TRIM36: variants seen among roughly 807,000 people sequenced by gnomAD.
TRIM36 encodes E3 ubiquitin-protein ligase TRIM36.
Under a neutral mutation model 72.4 loss-of-function variants are expected in TRIM36, and 42 were observed. The ratio of observed to expected loss-of-function variants is 0.58; its 90% confidence interval spans 0.45 to 0.75. TRIM36 has a LOEUF of 0.75. Among genes scored for constraint, TRIM36 ranks in the 30% least tolerant of loss-of-function variants. The probability of loss-of-function intolerance (pLI) is 0.00; values close to 1 mark genes in which losing one functional copy is unlikely to be tolerated. For synonymous variants in TRIM36, 315 were observed against 282.8 expected, an observed-to-expected ratio of 1.11 and a Z score of -1.14; for missense variants, 913 against 857.1, an observed-to-expected ratio of 1.07 and a Z score of -0.81.
chr5:115,177,559 T>C, intron 1 of TRIM36: 1 of 1,409,710 alleles, frequency 7.1e-7, no homozygotes, highest in Non-Finnish European at 9.2e-7. Flanking sequence ...TGGTTAATAT[T>C]CAGTGTTCAA....
At chr5:115,156,169 T>C (rs190917445) in intron 2 of TRIM36, among the ~76,000 whole-genome samples, 44 of 151,688 alleles carry the variant, frequency 2.9e-4, no homozygotes, top group African/African-American at 1.0e-3. Flanking sequence ...ATAGAAGACA[T>C]GAAAAAATGG....
intron 2 of TRIM36, among the ~76,000 whole-genome samples, chr5:115,150,646 G>A (rs1753839439): frequency 6.6e-6 from 1 of 152,196 alleles, no homozygotes; most frequent in South Asian, 2.1e-4. Flanking sequence ...AAGCTGAGAG[G>A]ACCCACAGGC....
At chr5:115,160,420 G>C (rs1405037579) in intron 2 of TRIM36, among the ~76,000 whole-genome samples, 3 of 152,008 alleles carry the variant, frequency 2.0e-5, no homozygotes, top group African/African-American at 7.3e-5. Context: ...TTTTTATTCT[G>C]TGTATTTTAA....
intron 2 of TRIM36, among the ~76,000 whole-genome samples, chr5:115,162,438 C>G (rs1464971357): frequency 6.6e-6 from 1 of 152,200 alleles, no homozygotes; most frequent in Non-Finnish European, 1.5e-5. Flanking sequence ...TATTAAGCAT[C>G]TACAGAGTAC....
intron 2 of TRIM36, 81 bp from the exon 3 acceptor site, chr5:115,147,475 G>T (rs1753655422): frequency 7.0e-7 from 1 of 1,424,868 alleles, no homozygotes; most frequent in Non-Finnish European, 9.6e-7. Flanking sequence ...ATGTCTTAGA[G>T]ACATATCTAC....
At chr5:115,158,332 A>G (rs1754294266) in intron 2 of TRIM36, among the ~76,000 whole-genome samples, 1 of 152,228 alleles carries the variant, frequency 6.6e-6, no homozygotes, top group Admixed American at 6.5e-5. Context: ...TTTTAAAATA[A>G]AGACTCTAAA....
chr5:115,139,549 A>G lies in TRIM36; in HGVS notation c.831+1730T>C, dbSNP rs369537636. ...CCTGTTTCCTAACCCCGACAGCCAC[A>G]TATTTTTAAAAGAGAAGGAGCAGAA... On this transcript the variant is annotated intron_variant, in intron 5 of 9. Coordinates refer to ENST00000513154, the MANE Select transcript of TRIM36 (RefSeq NM_001300759.2). Among the ~76,000 whole-genome samples the G allele has an allele frequency of 3.3e-5, 5 of 152,366 alleles. No homozygotes were observed. In the South Asian group the frequency reaches 1.0e-3, roughly 32 times the overall value.
chr5:115,167,428 T>A (rs1754844206), intron 1 of TRIM36, among the ~76,000 whole-genome samples: 1 of 152,238 alleles, frequency 6.6e-6, no homozygotes, highest in African/African-American at 2.4e-5. Context: ...GGTTTTTCCT[T>A]TCTACTCCAT....
rs751144486 is a variant in TRIM36 at position 115,163,647 on chromosome 5, C to T, written c.133G>A (p.Val45Ile). 6.2e-7 allele frequency: 1 copy of T among 1,613,998 alleles called. No individual in the cohort carries two copies. Among genetic ancestry groups the T allele is most frequent in the Admixed American group, 1.7e-5 (1 of 59,996 alleles). ...PCQHSICHKC[V>I]KELLLTLDDS... ...TCGAGAGTCAGCAGGAGTTCTTTTA[C>T]ACATTTATGACAGATACTATGTTGG... is the stretch of plus-strand genomic sequence containing the variant. The change falls in exon 2 of 10, where the codon GTA (valine) becomes ATA (isoleucine). Residue 45 changes from valine (V) to isoleucine (I), a missense_variant. Physicochemically the swap from Val to Ile is conservative, Grantham distance 29. Transcript: ENST00000513154.
Position 115,137,496 on chromosome 5 carries a change from C to G in TRIM36, c.952G>C (p.Asp318His). ...AIDSSKKLRL[D>H]KFQTQMEEYQ... is the part of the protein sequence containing the mutation. ...TCTTCCATTTGAGTCTGAAATTTGT[C>G]TAATCTTAGTTTCTTAGAGGAGTCA... Residue 318 changes from aspartate to histidine, a missense_variant, in exon 6 of 10, where the codon GAC becomes CAC. By Grantham distance (81) the Asp-to-His change is moderately conservative. Coordinates refer to ENST00000513154, the MANE Select transcript of TRIM36 (RefSeq NM_001300759.2). 1 of 1,614,140 alleles carries G rather than the reference C, an allele frequency of 6.2e-7. No individual in the cohort carries two copies.
chr5:115,166,683 G>A (rs1056697449), intron 1 of TRIM36, among the ~76,000 whole-genome samples: 1 of 152,226 alleles, frequency 6.6e-6, no homozygotes, highest in African/African-American at 2.4e-5. Flanking sequence ...CATGTTGTGG[G>A]TGACGATGAG....
At position 115,130,783 on chromosome 5, in the gene TRIM36, A is replaced by G. The variant is rs1401573495; in HGVS notation, c.1605T>C (p.Leu535=). 1.2e-6 allele frequency: 2 copies of G among 1,614,138 alleles called. No homozygotes were observed. Among genetic ancestry groups the G allele is most frequent in the East Asian group, 4.5e-5 (2 of 44,880 alleles). Residue 535 remains leucine, a synonymous_variant, in exon 9 of 10, where the codon CTT becomes CTC. Coordinates refer to ENST00000513154, the MANE Select transcript of TRIM36 (RefSeq NM_001300759.2). The part of the protein sequence containing the change: ...VESRAGFNLL[L]AAERIQVGYY... Reference sequence around the variant, plus strand: ...AACCCACTTGGATGCGTTCTGCAGCAAGCAGAAGATTAAATCCAGCTCTAC... The same window carrying G: ...AACCCACTTGGATGCGTTCTGCAGCGAGCAGAAGATTAAATCCAGCTCTAC...
intron 2 of TRIM36, among the ~76,000 whole-genome samples, chr5:115,159,962 A>C (rs1300713190): frequency 1.3e-5 from 2 of 152,122 alleles, no homozygotes; most frequent in African/African-American, 4.8e-5. Flanking sequence ...TGTTGCAAAT[A>C]CAAAGTGAAA....
In TRIM36 at chr5:115,169,878, GC is replaced by G. The variant is rs1362332690; in HGVS notation, c.-245del. On this transcript the variant is annotated 5_prime_UTR_variant, in exon 1 of 10. Coordinates refer to ENST00000513154, the MANE Select transcript of TRIM36 (RefSeq NM_001300759.2). ...ACTACCCCGGGAATCCCGCCCAGCT[GC>G]CGGCTGCAGCAGCGGCTCCTGCGGA... is the stretch of plus-strand genomic sequence containing the variant. 3 of 1,303,224 alleles carry G rather than the reference GC, an allele frequency of 2.3e-6. No homozygotes were observed. The African/African-American group carries it at 4.6e-5, about 20-fold the overall frequency. 80.7% of individuals were successfully genotyped at this position (1,303,224 alleles called of 1,614,324 possible).
chr5:115,176,626 A>G (rs1441514481), intron 1 of TRIM36, among the ~76,000 whole-genome samples: 1 of 152,226 alleles, frequency 6.6e-6, no homozygotes, highest in Non-Finnish European at 1.5e-5. Flanking sequence ...AAAGAGATAT[A>G]CTAAAATTTG....
intron 2 of TRIM36, among the ~76,000 whole-genome samples, chr5:115,153,437 C>T (rs1409024091): frequency 6.6e-6 from 1 of 152,144 alleles, no homozygotes; most frequent in South Asian, 2.1e-4. Context: ...CACAGTAATA[C>T]TGGGAGGTAT....
At chr5:115,149,570 A>T (rs1045911084) in intron 2 of TRIM36, 1 of 52,164 alleles carries the variant, frequency 1.9e-5, no homozygotes, top group African/African-American at 1.1e-4. Context: ...CAGAAATTTG[A>T]AAAAAAAAAA....
intron 7 of TRIM36, among the ~76,000 whole-genome samples, chr5:115,134,526 G>C (rs1459238487): frequency 6.8e-6 from 1 of 146,030 alleles, no homozygotes; most frequent in African/African-American, 2.5e-5. Context: ...AGTCTGGTAA[G>C]AATATCAAAC....
rs986581874 is a variant in TRIM36, at chr5:115,130,978, A to C, written c.1499-89T>G. ...ATAGGTTTTCTTACAGAAATTACTG[A>C]AGAGAGACAGGAAGCGGGAAGGAGG... is the stretch of plus-strand genomic sequence containing the variant. On this transcript the variant is annotated intron_variant, in intron 8 of 9. Coordinates refer to ENST00000513154, the MANE Select transcript of TRIM36 (RefSeq NM_001300759.2). 4 of 1,426,060 alleles carry C rather than the reference A, an allele frequency of 2.8e-6. No individual in the cohort carries two copies. The African/African-American group carries it at 4.3e-5, about 15-fold the overall frequency. The allele number at this position is 1,426,060 out of a possible 1,614,324, so 88.3% of individuals were successfully genotyped here. A position where few individuals can be genotyped will look rare whatever the true frequency, so the allele number is the denominator to read the frequency against.
Sources: allele counts gnomAD v4.1 joint callset (sites outside exome capture counted in the v4.1 genomes callset), GRCh38; gene constraint gnomAD v4.1.1; transcripts MANE v1.5; gene names NCBI Gene and HGNC (gene_info 2026-07-23, HGNC 2026-07-21).